Variants in CRYL1 observed in about 807,000 individuals in gnomAD.
The protein encoded by CRYL1 is lambda-crystallin homolog.
CRYL1 carries 29 observed loss-of-function variants against 36.6 expected under a neutral mutation model. The ratio of observed to expected loss-of-function variants is 0.79; its 90% CI spans 0.59 to 1.08. The LOEUF is 1.08. CRYL1 is among the 50% of genes least tolerant of loss of function. The pLI is 0.00. For synonymous variants in CRYL1, 152 were observed against 151.5 expected (o/e 1.00, Z -0.02); for missense variants, 411 against 407.9 (o/e 1.01, Z -0.06).
intron 5 of CRYL1, among the ~76,000 whole-genome samples, chr13:20,427,555 C>G (rs1392531557): frequency 6.6e-6 from 1 of 152,060 alleles, no homozygotes; most frequent in Non-Finnish European, 1.5e-5. Flanking sequence ...ATGGCACTGG[C>G]AGCGTGGCTC....
At chr13:20,475,004 C>T (rs545851959) in intron 3 of CRYL1, among the ~76,000 whole-genome samples, 8 of 152,268 alleles carry the variant, frequency 5.3e-5, no homozygotes, top group East Asian at 1.9e-4. Context: ...CATCTGGACC[C>T]GTGCGCAGCC....
intron 4 of CRYL1, among the ~76,000 whole-genome samples, chr13:20,434,666 C>T (rs908922077): frequency 2.0e-5 from 3 of 149,558 alleles, no homozygotes; most frequent in Non-Finnish European, 4.4e-5. Flanking sequence ...CTGTCTTTCC[C>T]TGCTGTGGAA....
At chr13:20,500,866 T>C (rs11618701) in intron 2 of CRYL1, among the ~76,000 whole-genome samples, 157 of 152,316 alleles carry the variant, frequency 1.0e-3, no homozygotes, top group Non-Finnish European at 2.4e-4. Flanking sequence ...GCTTGAAATT[T>C]CTATTGGTTT....
At chr13:20,522,140 A>G (rs1450643564) in intron 1 of CRYL1, among the ~76,000 whole-genome samples, 1 of 152,314 alleles carries the variant, frequency 6.6e-6, no homozygotes, top group Admixed American at 6.5e-5. Context: ...AGTTGAGGCC[A>G]GGAGTTCGAG....
chr13:20,405,614 G>A (rs888274867), intron 6 of CRYL1, among the ~76,000 whole-genome samples: 1 of 152,206 alleles, frequency 6.6e-6, no homozygotes, highest in Admixed American at 6.5e-5. Flanking sequence ...TACCTTGCTG[G>A]TTTGGGTGGA....
chr13:20,465,606 G>A lies in CRYL1; in HGVS notation c.276+23764C>T, dbSNP rs149067895. Among the ~76,000 whole-genome samples, 320 of 152,254 alleles carry A rather than the reference G, an allele frequency of 2.1e-3. 1 individual carries two copies. Among genetic ancestry groups the A allele is most frequent in the African/African-American group, 7.2e-3 (299 of 41,546 alleles). On this transcript the variant is annotated intron_variant, in intron 3 of 7. Transcript: ENST00000298248. ...GCAAGGGTAAGAGAAAACAGAGGCA[G>A]GCACCGGTCACCCTGCAGCTTGGCA...
chr13:20,482,036 A>G (rs1179872765), intron 3 of CRYL1, among the ~76,000 whole-genome samples: 1 of 149,098 alleles, frequency 6.7e-6, no homozygotes, highest in Non-Finnish European at 1.5e-5. Context: ...CCACCCCCAC[A>G]CCCATCTCTA....
In CRYL1 at chr13:20,525,610, C is replaced by T; in HGVS notation, c.41+144G>A. 1.6e-6 allele frequency: 1 copy of T among 644,248 alleles called. No homozygotes were observed. Among genetic ancestry groups the T allele is most frequent in the Non-Finnish European group, 2.2e-6 (1 of 456,910 alleles). The allele number at this position is 644,248 out of a possible 1,614,324, so 39.9% of individuals were successfully genotyped here. On this transcript the variant is annotated intron_variant, in intron 1 of 7. Coordinates refer to ENST00000298248, the MANE Select transcript of CRYL1 (RefSeq NM_015974.3). This position sits in a 1 kb window ranked among gnomAD's most constrained non-coding sequence, Gnocchi z 4.3. ...CCCGAGCCCGCCAGCGCCGTAGGGGCCGCAGGGCGCAGGGCTTCGGAGGAC... is the reference window on the plus strand; with the variant it reads ...CCCGAGCCCGCCAGCGCCGTAGGGGTCGCAGGGCGCAGGGCTTCGGAGGAC...
chr13:20,505,009 G>A (rs35667709), intron 2 of CRYL1, among the ~76,000 whole-genome samples: 53,839 of 151,972 alleles, frequency 0.35, 10,194 homozygotes, highest in East Asian at 0.46. Context: ...TATTCATGCA[G>A]ATGTAGTGAA....
At chr13:20,434,595 A>G (rs1179631680) in intron 4 of CRYL1, among the ~76,000 whole-genome samples, 1 of 50,452 alleles carries the variant, frequency 2.0e-5, no homozygotes, top group Non-Finnish European at 3.9e-5. Context: ...GCCCACCCAC[A>G]CCCACACGCG....
intron 2 of CRYL1, among the ~76,000 whole-genome samples, chr13:20,490,664 T>TC (rs1005161726): frequency 3.1e-4 from 46 of 146,064 alleles, no homozygotes; most frequent in Non-Finnish European, 6.2e-4. Flanking sequence ...GGGGATGGGG[T>TC]GGGGGGGCAT....
intron 6 of CRYL1, among the ~76,000 whole-genome samples, chr13:20,409,669 C>T (rs868647761): frequency 4.6e-5 from 7 of 152,034 alleles, no homozygotes; most frequent in South Asian, 4.2e-4. Flanking sequence ...CTACAATGAA[C>T]TCAAACAAAT....
At chr13:20,513,648 T>A (rs766686205) in intron 1 of CRYL1, 3 of 152,126 alleles carry the variant, frequency 2.0e-5, no homozygotes, top group Admixed American at 2.0e-4. Flanking sequence ...TCCTTCCTCT[T>A]AACCACTACA....
chr13:20,427,153 T>C (rs1215629990), intron 5 of CRYL1: 7 of 985,324 alleles, frequency 7.1e-6, no homozygotes, highest in Non-Finnish European at 8.4e-6. Flanking sequence ...GCCTTAAAAA[T>C]GTAGACTTGA....
chr13:20,461,935 T>G (rs538312800), intron 3 of CRYL1, among the ~76,000 whole-genome samples: 5 of 7,934 alleles, frequency 6.3e-4, no homozygotes, highest in African/African-American at 1.1e-3. Flanking sequence ...GACAACCTTG[T>G]GGGAGGGATG....
At chr13:20,434,611 C>A (rs1302975516) in intron 4 of CRYL1, among the ~76,000 whole-genome samples, 15 of 146,802 alleles carry the variant, frequency 1.0e-4, no homozygotes, top group African/African-American at 3.5e-4. Flanking sequence ...ACGCGCCCCC[C>A]CACCCACACC....
chr13:20,475,785 AC>A (rs2033154404), intron 3 of CRYL1, among the ~76,000 whole-genome samples: 2 of 152,188 alleles, frequency 1.3e-5, no homozygotes, highest in Admixed American at 1.3e-4. Flanking sequence ...GAAGATTCCC[AC>A]CCACCACCTA....
At chr13:20,503,860 C>T (rs1358859655) in intron 2 of CRYL1, among the ~76,000 whole-genome samples, 1 of 152,180 alleles carries the variant, frequency 6.6e-6, no homozygotes, top group Non-Finnish European at 1.5e-5. Flanking sequence ...GAAATGCCTG[C>T]GTCCAAGCAC....
intron 1 of CRYL1, among the ~76,000 whole-genome samples, chr13:20,522,911 C>CTTTTTTTTTTTTTTTTTTTTTTTT (rs386378385): frequency 4.8e-5 from 4 of 82,956 alleles, no homozygotes; most frequent in African/African-American, 1.8e-4. Flanking sequence ...CCCATTTCTA[C>CTTTTTTTTTTTTTTTTTTTTTTTT]TTTTTTTTTT....
Sources: gnomAD v4.1 joint callset for allele counts (sites outside exome capture counted in the v4.1 genomes callset) on GRCh38, gnomAD v4.1.1 for gene constraint, Gnocchi (gnomAD v3.1) non-coding constraint, MANE v1.5 for transcripts, NCBI Gene and HGNC (gene_info 2026-07-23, HGNC 2026-07-21) for gene names.